Variants in USP18 observed in about 807,000 individuals in gnomAD.
USP18 encodes ubiquitin specific peptidase 18.
Under a neutral mutation model 48.7 loss-of-function variants are expected in USP18, and 11 were observed. That is an observed-to-expected ratio of 0.23 (90% CI 0.14 to 0.37). USP18 has a LOEUF of 0.37. Among genes scored for constraint, USP18 ranks in the 10% least tolerant of loss-of-function variants. The pLI is 1.00. For missense variants in USP18, 285 were observed against 436.4 expected (o/e 0.65, Z 3.09); for synonymous variants, 114 against 163.2 (o/e 0.70, Z 2.30).
At chr22:18,156,473 C>T (rs554478526) in intron 1 of USP18, among the ~76,000 whole-genome samples, 4 of 152,234 alleles carry the variant, frequency 2.6e-5, no homozygotes, top group South Asian at 2.1e-4. Flanking sequence ...TAACACTCAC[C>T]GCGAAGGTCT....
rs577600318 is a variant in USP18 at position 18,159,075 on chromosome 22, A to T, written c.158-1097A>T. Among the ~76,000 whole-genome samples, 8 of 152,114 alleles carry T rather than the reference A, an allele frequency of 5.3e-5. No homozygotes were observed. The East Asian group carries it at 1.5e-3, about 29-fold the overall frequency. ...CGAACTTTTTGTGTGTGTGTGTGTG[A>T]GATGGAGTTTTGCTTTGTCGCCTAG... On this transcript the variant is annotated intron_variant, in intron 2 of 10. Coordinates refer to ENST00000215794, the MANE Select transcript of USP18 (RefSeq NM_017414.4).
chr22:18,159,788 G>C (rs1212070442), intron 2 of USP18, among the ~76,000 whole-genome samples: 1 of 149,364 alleles, frequency 6.7e-6, no homozygotes, highest in African/African-American at 2.5e-5. Context: ...CCATTCTCCT[G>C]CCTCAGCCTC....
chr22:18,155,105 C>T (rs1007102258), intron 1 of USP18, among the ~76,000 whole-genome samples: 2 of 152,260 alleles, frequency 1.3e-5, no homozygotes, highest in Non-Finnish European at 2.9e-5. Flanking sequence ...AGCACTGGGG[C>T]ACGCCCAAGA....
intron 8 of USP18, among the ~76,000 whole-genome samples, chr22:18,171,992 T>C (rs1322220628): frequency 6.6e-6 from 1 of 152,038 alleles, no homozygotes; most frequent in Non-Finnish European, 1.5e-5. Flanking sequence ...CTTTTTTGAC[T>C]GGATGCAGTG....
At chr22:18,164,898 A>G (rs1265951132) in intron 4 of USP18, among the ~76,000 whole-genome samples, 8 of 152,162 alleles carry the variant, frequency 5.3e-5, no homozygotes, top group African/African-American at 1.9e-4. Context: ...AGCTGGGAGT[A>G]GGGATTCCTT....
chr22:18,167,458 G>A, intron 5 of USP18, 124 bp downstream of exon 5: 2 of 1,157,654 alleles, frequency 1.7e-6, no homozygotes, highest in Non-Finnish European at 2.4e-6. Flanking sequence ...AGCACTTTGG[G>A]AGGCTGAGGC....
intron 8 of USP18, 129 bp from the exon 9 acceptor site, chr22:18,173,021 G>A: frequency 6.6e-7 from 1 of 1,512,472 alleles, no homozygotes; most frequent in East Asian, 2.4e-5. Flanking sequence ...GTGCCCACTG[G>A]CTGTGGGTCG....
chr22:18,155,889 T>C (rs143838356), intron 1 of USP18, among the ~76,000 whole-genome samples: 6,193 of 152,346 alleles, frequency 0.041, 167 homozygotes, highest in African/African-American at 0.074. Context: ...GGCGCGGGAC[T>C]GGCAGGCAGC....
At chr22:18,173,962 C>T in intron 10 of USP18, 120 bp downstream of exon 10, 1 of 1,433,402 alleles carries the variant, frequency 7.0e-7, no homozygotes, top group Non-Finnish European at 9.5e-7. Flanking sequence ...TCCGCCTCAT[C>T]TCCAGCACTC....
Position 18,155,577 on chromosome 22 carries a change from G to A in USP18, c.-106-1981G>A, listed in dbSNP as rs911264511. Among the ~76,000 whole-genome samples, 8 of 152,330 alleles carry A rather than the reference G, an allele frequency of 5.3e-5. No homozygotes were observed. The South Asian group carries it at 1.4e-3, about 28-fold the overall frequency. On this transcript the variant is annotated intron_variant, in intron 1 of 10. Coordinates refer to ENST00000215794, the MANE Select transcript of USP18 (RefSeq NM_017414.4). ...GCACGCGGTGCTTGTGGGCCAGCGC[G>A]AGTTCCGAGTGGGCGTGGGCTCGGC... is the stretch of plus-strand genomic sequence containing the variant.
At chr22:18,162,044 G>A (rs1929348621) in intron 4 of USP18, 109 bp downstream of exon 4, 1 of 1,430,696 alleles carries the variant, frequency 7.0e-7, no homozygotes. Context: ...AGCAAGTTAG[G>A]TAGCCTGGAC....
At chr22:18,154,615 T>C (rs1046715286) in intron 1 of USP18, among the ~76,000 whole-genome samples, 1 of 151,282 alleles carries the variant, frequency 6.6e-6, no homozygotes, top group Non-Finnish European at 1.5e-5. Flanking sequence ...ACCATCTAAA[T>C]TTTTTTTTAG....
chr22:18,169,958 A>G lies in USP18; in HGVS notation c.723+19A>G, dbSNP rs1454135561. On this transcript the variant is annotated intron_variant, in intron 7 of 10. Transcript: ENST00000215794. ...GAAACAGGTACTCATTCCCTAAATC[A>G]GACTCAGCTGTCCCTCGGTGCATAT... The G allele has an allele frequency of 2.0e-5, 32 of 1,564,820 alleles. No individual in the cohort carries two copies. The highest frequency in any genetic ancestry group is 2.6e-5 in the Non-Finnish European group (30 of 1,153,404).
In USP18 at chr22:18,174,046, G is replaced by A. The variant is rs533512672; in HGVS notation, c.1073+204G>A. On this transcript the variant is annotated intron_variant, in intron 10 of 10. Coordinates refer to ENST00000215794, the MANE Select transcript of USP18 (RefSeq NM_017414.4). The stretch of plus-strand genomic sequence containing the variant: ...AAGTACAGGTAGCTGCCAATCAGCC[G>A]TGCCCTCCATCTCCCGTCTGCTGTG... Among the ~76,000 whole-genome samples, 4 of 151,896 alleles carry A rather than the reference G, an allele frequency of 2.6e-5. No individual in the cohort carries two copies. In the East Asian group the frequency reaches 5.8e-4, roughly 22 times the overall value.
intron 4 of USP18, 22 bp downstream of exon 4, chr22:18,161,957 C>G (rs200176553): frequency 1.9e-4 from 308 of 1,593,954 alleles, no homozygotes; most frequent in Non-Finnish European, 2.4e-4. Context: ...TCCCACTGGG[C>G]TCCTGGCTGC....
chr22:18,175,187 A>G (rs555740366), intron 10 of USP18, among the ~76,000 whole-genome samples: 3 of 152,346 alleles, frequency 2.0e-5, no homozygotes, highest in Admixed American at 6.5e-5. Context: ...TGCTGGGATT[A>G]CAGGCATGAG....
intron 6 of USP18, 40 bp from the exon 7 acceptor site, chr22:18,169,804 T>C (rs377065368): frequency 2.0e-4 from 310 of 1,546,744 alleles, no homozygotes; most frequent in Admixed American, 1.5e-3. Flanking sequence ...AGGTGGGAAA[T>C]ACCAACGCTG....
At chr22:18,158,667 G>C (rs1929235414) in intron 2 of USP18, among the ~76,000 whole-genome samples, 1 of 152,170 alleles carries the variant, frequency 6.6e-6, no homozygotes, top group South Asian at 2.1e-4. Flanking sequence ...GTTATCTTTT[G>C]TTTTTCTCGT....
chr22:18,176,319 C>T (rs62229518), intron 10 of USP18, among the ~76,000 whole-genome samples: 3 of 33,204 alleles, frequency 9.0e-5, no homozygotes, highest in Admixed American at 2.6e-4. Flanking sequence ...CCAAACAAAA[C>T]ATAATGCATG....
Sources: gnomAD v4.1 joint callset for allele counts (sites outside exome capture counted in the v4.1 genomes callset) on GRCh38, gnomAD v4.1.1 for gene constraint, MANE v1.5 for transcripts, NCBI Gene and HGNC (gene_info 2026-07-23, HGNC 2026-07-21) for gene names.